Variants in ASAP1 observed in about 807,000 individuals in gnomAD.
ASAP1 encodes ArfGAP with SH3 domain, ankyrin repeat and PH domain 1.
ASAP1 carries 43 observed loss-of-function variants against 145.2 expected under a neutral mutation model. The ratio of observed to expected loss-of-function variants is 0.30; its 90% CI spans 0.23 to 0.38. The LOEUF is 0.38. Among genes scored for constraint, ASAP1 ranks in the 10% least tolerant of loss-of-function variants. The probability of loss-of-function intolerance (pLI) is 1.00; values close to 1 mark genes in which losing one functional copy is unlikely to be tolerated. For missense variants in ASAP1, 1,018 were observed against 1,355.3 expected (o/e 0.75, Z 3.91); for synonymous variants, 546 against 515.5 (o/e 1.06, Z -0.80).
chr8:130,278,844 T>C (rs1821083314), intron 3 of ASAP1, among the ~76,000 whole-genome samples: 1 of 152,226 alleles, frequency 6.6e-6, no homozygotes, highest in Non-Finnish European at 1.5e-5. Flanking sequence ...TTCAAATCCA[T>C]GGCTTTTACC....
chr8:130,215,475 G>A (rs1816839588), intron 4 of ASAP1, among the ~76,000 whole-genome samples: 1 of 151,908 alleles, frequency 6.6e-6, no homozygotes, highest in Non-Finnish European at 1.5e-5. Context: ...CGGGAGCGGT[G>A]GCTCACGCCT....
intron 2 of ASAP1, among the ~76,000 whole-genome samples, chr8:130,362,529 A>G (rs995276516): frequency 1.3e-5 from 2 of 152,334 alleles, no homozygotes; most frequent in Middle Eastern, 3.4e-3. Context: ...TAATCAACCA[A>G]TGTGAATTCC....
At chr8:130,157,952 C>T (rs900614753) in intron 12 of ASAP1, among the ~76,000 whole-genome samples, 4 of 152,126 alleles carry the variant, frequency 2.6e-5, no homozygotes, top group African/African-American at 9.7e-5. Flanking sequence ...TCAGCTCTAT[C>T]AGGGCCAGAT....
At chr8:130,118,428 G>A (rs1592843147) in intron 19 of ASAP1, 61 bp downstream of exon 19, 1 of 1,517,910 alleles carries the variant, frequency 6.6e-7, no homozygotes, top group South Asian at 1.2e-5. Context: ...GTTAAAATAA[G>A]TCACCTTTTA....
chr8:130,341,852 A>G (rs1302486550), intron 3 of ASAP1, among the ~76,000 whole-genome samples: 1 of 152,206 alleles, frequency 6.6e-6, no homozygotes, highest in Non-Finnish European at 1.5e-5. Flanking sequence ...GAGGTAAAAG[A>G]GCAGCAAGAA....
intron 29 of ASAP1, among the ~76,000 whole-genome samples, chr8:130,056,694 T>C (rs1047652230): frequency 2.0e-5 from 3 of 152,348 alleles, no homozygotes; most frequent in African/African-American, 4.8e-5. Context: ...CACATGTATA[T>C]ACATATGTAT....
intron 1 of ASAP1, among the ~76,000 whole-genome samples, chr8:130,410,627 C>T (rs1430167021): frequency 6.6e-6 from 1 of 152,222 alleles, no homozygotes; most frequent in South Asian, 2.1e-4. Flanking sequence ...ATTGTGTGAT[C>T]ATATCTTCAA....
At chr8:130,289,404 T>G (rs1341850965) in intron 3 of ASAP1, among the ~76,000 whole-genome samples, 1 of 152,194 alleles carries the variant, frequency 6.6e-6, no homozygotes, top group African/African-American at 2.4e-5. Flanking sequence ...GTGTGTTACT[T>G]TTACATGAGA....
intron 3 of ASAP1, among the ~76,000 whole-genome samples, chr8:130,325,231 T>C (rs1448331354): frequency 6.6e-6 from 1 of 152,200 alleles, no homozygotes; most frequent in Non-Finnish European, 1.5e-5. Flanking sequence ...TCTTTTTAAC[T>C]AGGAGGAGAG....
intron 2 of ASAP1, among the ~76,000 whole-genome samples, chr8:130,364,385 C>T (rs73423598): frequency 0.017 from 2,633 of 152,344 alleles, 71 homozygotes; most frequent in African/African-American, 0.061. Context: ...TCACTTAATA[C>T]TTGCAGCAAC....
rs912552037 is a variant in ASAP1 at position 130,134,351 on chromosome 8, T to C, written c.1169-7A>G. 4 of 1,525,606 alleles carry C rather than the reference T, an allele frequency of 2.6e-6. No homozygotes were observed. Among genetic ancestry groups the C allele is most frequent in the Admixed American group, 2.0e-5 (1 of 50,176 alleles). 94.5% of individuals were successfully genotyped at this position (1,525,606 alleles called of 1,614,324 possible). On this transcript the variant is annotated splice_polypyrimidine_tract_variant and splice_region_variant and intron_variant, in intron 14 of 29. Coordinates refer to ENST00000518721, the MANE Select transcript of ASAP1 (RefSeq NM_018482.4). Reference sequence around the variant, plus strand: ...AAGTGATATGTTCTATTATCTAAAATAAAAAAAAAGAAAAATAAGTGAAAC... The same window carrying C: ...AAGTGATATGTTCTATTATCTAAAACAAAAAAAAAGAAAAATAAGTGAAAC...
intron 28 of ASAP1, among the ~76,000 whole-genome samples, chr8:130,060,216 C>T (rs2097415832): frequency 6.6e-6 from 1 of 151,896 alleles, no homozygotes; most frequent in African/African-American, 2.4e-5. Context: ...TGACTACTTG[C>T]TCAGTGGTCT....
intron 3 of ASAP1, among the ~76,000 whole-genome samples, chr8:130,320,347 C>T (rs574920342): frequency 1.3e-5 from 2 of 152,092 alleles, no homozygotes; most frequent in Non-Finnish European, 2.9e-5. Context: ...CCTGAGCTCA[C>T]GGGTTTGAGA....
At chr8:130,092,428 A>G (rs186040556) in intron 24 of ASAP1, among the ~76,000 whole-genome samples, 156 of 152,226 alleles carry the variant, frequency 1.0e-3, no homozygotes, top group African/African-American at 3.4e-3. Context: ...AGAGTTTGAG[A>G]CCAGCCTGGG....
chr8:130,062,495 T>C (rs577905088), intron 27 of ASAP1, among the ~76,000 whole-genome samples: 2 of 152,258 alleles, frequency 1.3e-5, no homozygotes, highest in African/African-American at 2.4e-5. Flanking sequence ...CGTTCCTCTC[T>C]TGGAAGTCTG....
chr8:130,127,531 C>T (rs1211641123), intron 16 of ASAP1, among the ~76,000 whole-genome samples: 1 of 152,168 alleles, frequency 6.6e-6, no homozygotes, highest in African/African-American at 2.4e-5. Context: ...GGTTTACTGA[C>T]CCATTTTTTA....
chr8:130,269,164 G>A (rs1820442261), intron 3 of ASAP1, among the ~76,000 whole-genome samples: 1 of 152,148 alleles, frequency 6.6e-6, no homozygotes, highest in South Asian at 2.1e-4. Context: ...GCTGCAGTGG[G>A]AGAATTAAGG....
At chr8:130,079,763 G>C in intron 26 of ASAP1, 139 bp downstream of exon 26, 1 of 792,066 alleles carries the variant, frequency 1.3e-6, no homozygotes, top group Admixed American at 2.2e-5. Context: ...GTGAACGTCT[G>C]GTTTCTTGTT....
In ASAP1 at chr8:130,358,563, C is replaced by A. The variant is rs1826500101; in HGVS notation, c.60-420G>T. Among the ~76,000 whole-genome samples the A allele has an allele frequency of 6.8e-6, 1 of 147,200 alleles. No individual in the cohort carries two copies. ...GCGCCCGGCGCTGCCTCCTCAGACGCGCTGACAGGCGGCGGCGCGGGCCTG... is the reference window on the plus strand; with the variant it reads ...GCGCCCGGCGCTGCCTCCTCAGACGAGCTGACAGGCGGCGGCGCGGGCCTG... On this transcript the variant is annotated intron_variant, in intron 2 of 29. Coordinates refer to ENST00000518721, the MANE Select transcript of ASAP1 (RefSeq NM_018482.4). This position sits in a 1 kb window ranked among gnomAD's most constrained non-coding sequence, Gnocchi z 4.1.
Sources: allele counts gnomAD v4.1 joint callset (sites outside exome capture counted in the v4.1 genomes callset), GRCh38; gene constraint gnomAD v4.1.1; non-coding constraint Gnocchi (gnomAD v3.1); transcripts MANE v1.5; gene names NCBI Gene and HGNC (gene_info 2026-07-23, HGNC 2026-07-21).